GRIA4: variants seen among roughly 807,000 people sequenced by gnomAD.
The protein encoded by GRIA4 is glutamate receptor 4.
Under a neutral mutation model 104.0 loss-of-function variants are expected in GRIA4, and 34 were observed. The observed-to-expected ratio is 0.33, with a 90% CI of 0.25 to 0.44. The LOEUF (loss-of-function observed/expected upper bound fraction) is 0.44, where lower values mean the gene tolerates loss of function less well. Among genes scored for constraint, GRIA4 ranks in the 20% least tolerant of loss-of-function variants. The probability of loss-of-function intolerance (pLI) is 1.00; values close to 1 mark genes in which losing one functional copy is unlikely to be tolerated. For missense variants in GRIA4, 750 were observed against 1,096.5 expected (o/e 0.68, Z 4.46); for synonymous variants, 386 against 381.9 (o/e 1.01, Z -0.13).
At chr11:105,950,931 G>A (rs1193656513) in intron 14 of GRIA4, among the ~76,000 whole-genome samples, 1 of 152,116 alleles carries the variant, frequency 6.6e-6, no homozygotes, top group South Asian at 2.1e-4. Flanking sequence ...GGTACTGTAG[G>A]AAGAACACTG....
rs770965865 is a variant in GRIA4, at chr11:105,926,786, A to C, written c.1893A>C (p.Thr631=). Reference sequence around the variant, plus strand: ...TTGGAGGTGTTTGGTGGTTCTTTACACTCATCATTATATCATCTTATACTG... The same window carrying C: ...TTGGAGGTGTTTGGTGGTTCTTTACCCTCATCATTATATCATCTTATACTG... ...RIVGGVWWFF[T]LIIISSYTAN... Residue 631 remains threonine (T), a synonymous_variant, in exon 13 of 17, where the codon ACA becomes ACC. Transcript: ENST00000282499. 6.2e-7 allele frequency: 1 copy of C among 1,610,468 alleles called. No homozygotes were observed.
chr11:105,818,073 T>A (rs1943448109), intron 4 of GRIA4, among the ~76,000 whole-genome samples: 2 of 151,988 alleles, frequency 1.3e-5, no homozygotes, highest in African/African-American at 4.8e-5. Context: ...TTGCTAAAAA[T>A]ACAGCATGGG....
chr11:105,686,801 C>T (rs569772185), intron 3 of GRIA4, among the ~76,000 whole-genome samples: 18 of 152,064 alleles, frequency 1.2e-4, no homozygotes, highest in African/African-American at 3.9e-4. Context: ...ACTGTAGTTT[C>T]GATTTGTATT....
chr11:105,633,992 GT>G (rs1951108841), intron 3 of GRIA4, among the ~76,000 whole-genome samples: 1 of 152,088 alleles, frequency 6.6e-6, no homozygotes, highest in African/African-American at 2.4e-5. Flanking sequence ...CTAAGTCTCA[GT>G]TTCCTGATCT....
chr11:105,613,485 A>G (rs1423164702), intron 3 of GRIA4: 1 of 152,222 alleles, frequency 6.6e-6, no homozygotes, highest in Admixed American at 6.5e-5. Context: ...AAAATGTTCA[A>G]GCTGAATTGT....
At chr11:105,738,583 T>G (rs1254084032) in intron 3 of GRIA4, among the ~76,000 whole-genome samples, 1 of 152,154 alleles carries the variant, frequency 6.6e-6, no homozygotes, top group Non-Finnish European at 1.5e-5. Flanking sequence ...CTCAAATATC[T>G]GCCCAAATAT....
chr11:105,787,538 C>T (rs1294292168), intron 4 of GRIA4, among the ~76,000 whole-genome samples: 2 of 127,350 alleles, frequency 1.6e-5, no homozygotes, highest in Non-Finnish European at 3.1e-5. Context: ...TGCAATGGAG[C>T]GATCTCAGCT....
At chr11:105,690,998 T>C in intron 3 of GRIA4, among the ~76,000 whole-genome samples, 1 of 152,182 alleles carries the variant, frequency 6.6e-6, no homozygotes, top group East Asian at 1.9e-4. Flanking sequence ...CAGTTTTTCT[T>C]TGGATCCTGA....
intron 4 of GRIA4, among the ~76,000 whole-genome samples, chr11:105,796,265 A>G (rs1414717825): frequency 6.6e-6 from 1 of 152,074 alleles, no homozygotes; most frequent in Non-Finnish European, 1.5e-5. Flanking sequence ...TCTCTCTACC[A>G]TGTGTTTATT....
Position 105,862,852 on chromosome 11 carries a change from G to A in GRIA4, c.672+644G>A, listed in dbSNP as rs558738019. On this transcript the variant is annotated intron_variant, in intron 5 of 16. Coordinates refer to ENST00000282499, the MANE Select transcript of GRIA4 (RefSeq NM_000829.4). ...GGAAAAGATTAAACTGAGCTTTGCC[G>A]TTGTATTAAATGATAGGAAAATATC... Among the ~76,000 whole-genome samples, 95 of 152,268 alleles carry A rather than the reference G, an allele frequency of 6.2e-4. No individual in the cohort carries two copies. In the Middle Eastern group the frequency reaches 0.01, roughly 16 times the overall value.
chr11:105,648,637 A>G (rs1410764921), intron 3 of GRIA4, among the ~76,000 whole-genome samples: 1 of 152,038 alleles, frequency 6.6e-6, no homozygotes, highest in African/African-American at 2.4e-5. Context: ...CAGAGAAAGA[A>G]AAGAAACAAT....
At chr11:105,743,339 T>C (rs1939439117) in intron 3 of GRIA4, among the ~76,000 whole-genome samples, 1 of 152,190 alleles carries the variant, frequency 6.6e-6, no homozygotes, top group South Asian at 2.1e-4. Flanking sequence ...CTTCTAAAAA[T>C]AAATCCTCAA....
chr11:105,724,309 A>G (rs997446955), intron 3 of GRIA4, among the ~76,000 whole-genome samples: 4 of 137,164 alleles, frequency 2.9e-5, no homozygotes, highest in African/African-American at 1.0e-4. Flanking sequence ...GGACAATTAG[A>G]TAAATAAAAT....
chr11:105,915,410 GA>G (rs962868606), intron 10 of GRIA4, among the ~76,000 whole-genome samples: 16 of 152,114 alleles, frequency 1.1e-4, no homozygotes, highest in Non-Finnish European at 2.2e-4. Flanking sequence ...AGAAAAAACT[GA>G]AAAAATGAAA....
chr11:105,979,763 CTTAA>C lies in GRIA4; in HGVS notation c.*29_*32del, dbSNP rs773440459. 2.5e-6 allele frequency: 4 copies of C among 1,578,428 alleles called. No homozygotes were observed. The East Asian group carries it at 9.0e-5, about 36-fold the overall frequency. Reference sequence around the variant, plus strand: ...AAAAACCAAAAAAATAATTGAGTGCCTTAATTAAACTGTTGGTGACTGGTGGAAA... The same window carrying C: ...AAAAACCAAAAAAATAATTGAGTGCCTTAAACTGTTGGTGACTGGTGGAAA... On this transcript the variant is annotated 3_prime_UTR_variant, in exon 17 of 17. Coordinates refer to ENST00000282499, the MANE Select transcript of GRIA4 (RefSeq NM_000829.4).
intron 3 of GRIA4, among the ~76,000 whole-genome samples, chr11:105,748,654 A>T (rs1205730826): frequency 6.6e-6 from 1 of 152,108 alleles, no homozygotes; most frequent in Non-Finnish European, 1.5e-5. Context: ...AAGTACTGGG[A>T]TTACAGGCAT....
intron 14 of GRIA4, among the ~76,000 whole-genome samples, chr11:105,948,413 G>T (rs1948370359): frequency 6.6e-6 from 1 of 151,954 alleles, no homozygotes; most frequent in South Asian, 2.1e-4. Flanking sequence ...CATGTGGTGA[G>T]TTAAATACAT....
At chr11:105,900,182 A>C (rs1946803882) in intron 7 of GRIA4, among the ~76,000 whole-genome samples, 2 of 152,218 alleles carry the variant, frequency 1.3e-5, no homozygotes, top group Non-Finnish European at 2.9e-5. Context: ...AGTAACAAAT[A>C]AATATTAGCA....
At chr11:105,879,150 C>T (rs1344572297) in intron 5 of GRIA4, among the ~76,000 whole-genome samples, 1 of 152,160 alleles carries the variant, frequency 6.6e-6, no homozygotes. Context: ...GGAGGGAGTT[C>T]CCTGACCTCT....
Sources: gnomAD v4.1 joint callset for allele counts (sites outside exome capture counted in the v4.1 genomes callset) on GRCh38, gnomAD v4.1.1 for gene constraint, MANE v1.5 for transcripts, NCBI Gene and HGNC (gene_info 2026-07-23, HGNC 2026-07-21) for gene names.